PRKN: variants seen among roughly 807,000 people sequenced by gnomAD.
The protein encoded by PRKN is E3 ubiquitin-protein ligase parkin.
Under a neutral mutation model 59.5 loss-of-function variants are expected in PRKN, and 56 were observed. The observed-to-expected ratio is 0.94, with a 90% CI of 0.76 to 1.18. PRKN has a LOEUF of 1.18. Ranked by LOEUF, PRKN falls within the 50% of genes most tolerant of loss-of-function variation. The pLI is 0.00. For synonymous variants in PRKN, 250 were observed against 222.1 expected (o/e 1.13, Z -1.12); for missense variants, 657 against 596.4 (o/e 1.10, Z -1.06).
At chr6:161,750,929 TAG>T (rs1269711927) in intron 7 of PRKN, among the ~76,000 whole-genome samples, 9 of 152,132 alleles carry the variant, frequency 5.9e-5, no homozygotes, top group Non-Finnish European at 1.3e-4. Flanking sequence ...TATATTTCAC[TAG>T]TCAGAGAAAT....
At chr6:162,194,024 A>T (rs1362615583) in intron 4 of PRKN, among the ~76,000 whole-genome samples, 1 of 152,254 alleles carries the variant, frequency 6.6e-6, no homozygotes, top group Non-Finnish European at 1.5e-5. Context: ...AAAGAAAATG[A>T]TTTGGAAAAT....
chr6:162,073,750 C>T lies in PRKN; in HGVS notation c.535-19576G>A, dbSNP rs1263465265. Among the ~76,000 whole-genome samples the T allele has an allele frequency of 3.3e-5, 5 of 152,236 alleles. No homozygotes were observed. In the East Asian group the frequency reaches 9.6e-4, roughly 29 times the overall value. The stretch of plus-strand genomic sequence containing the variant: ...TACAGGCTTGATGCCCTGCCCTCAG[C>T]CCTCTACAGCTTTTAAAACATAATT... On this transcript the variant is annotated intron_variant, in intron 4 of 11. Transcript: ENST00000366898.
At chr6:162,668,826 C>T (rs930138596) in intron 1 of PRKN, among the ~76,000 whole-genome samples, 2 of 152,116 alleles carry the variant, frequency 1.3e-5, no homozygotes, top group African/African-American at 4.8e-5. Flanking sequence ...GACCTTTCAG[C>T]TGTACTTCTT....
At chr6:162,634,155 T>C (rs1310753716) in intron 1 of PRKN, among the ~76,000 whole-genome samples, 1 of 152,112 alleles carries the variant, frequency 6.6e-6, no homozygotes, top group Non-Finnish European at 1.5e-5. Context: ...GCTTTGGCTG[T>C]TCTCCAGGGT....
At chr6:162,191,248 G>A in intron 4 of PRKN, among the ~76,000 whole-genome samples, 1 of 152,102 alleles carries the variant, frequency 6.6e-6, no homozygotes, top group East Asian at 1.9e-4. Context: ...GAGATGGAAT[G>A]GGCCCAGACT....
At chr6:162,431,368 T>C (rs1789521193) in intron 2 of PRKN, among the ~76,000 whole-genome samples, 2 of 152,132 alleles carry the variant, frequency 1.3e-5, no homozygotes, top group Non-Finnish European at 2.9e-5. Flanking sequence ...TTGTCAGTCC[T>C]TTACATTTAG....
intron 1 of PRKN, among the ~76,000 whole-genome samples, chr6:162,696,734 T>C (rs566265738): frequency 6.6e-6 from 1 of 151,802 alleles, no homozygotes; most frequent in East Asian, 1.9e-4. Flanking sequence ...TTTGTAGAGA[T>C]GGGGTCTTGC....
At position 162,163,271 on chromosome 6, in the gene PRKN, C is replaced by T. The variant is rs1299888742; in HGVS notation, c.534+37860G>A. Among the ~76,000 whole-genome samples, 10 of 149,170 alleles carry T rather than the reference C, an allele frequency of 6.7e-5. 2 individuals carry two copies. Among genetic ancestry groups the T allele is most frequent in the Middle Eastern group, 3.4e-3 (1 of 292 alleles). On this transcript the variant is annotated intron_variant, in intron 4 of 11. Coordinates refer to ENST00000366898, the MANE Select transcript of PRKN (RefSeq NM_004562.3). ...ATCACAGGACATCTCACTTATTAAA[C>T]GGCATCTATGGAATTATGCCAAACA...
At chr6:161,874,820 A>AAG in intron 6 of PRKN, among the ~76,000 whole-genome samples, 1 of 105,568 alleles carries the variant, frequency 9.5e-6, no homozygotes, top group African/African-American at 4.7e-5. Context: ...TAAAATGTAT[A>AAG]ATATATAAAA....
At chr6:162,555,046 G>A (rs1024038273) in intron 1 of PRKN, among the ~76,000 whole-genome samples, 2 of 152,066 alleles carry the variant, frequency 1.3e-5, no homozygotes, top group East Asian at 1.9e-4. Flanking sequence ...TCAGCCACAT[G>A]CAACAAAAAA....
chr6:161,910,789 C>G (rs923866074), intron 6 of PRKN, among the ~76,000 whole-genome samples: 19 of 152,306 alleles, frequency 1.2e-4, no homozygotes, highest in Middle Eastern at 3.4e-3. Flanking sequence ...ATTTGGCAGT[C>G]AACACCCTGC....
chr6:161,844,984 C>G (rs958405315), intron 6 of PRKN, among the ~76,000 whole-genome samples: 1 of 152,228 alleles, frequency 6.6e-6, no homozygotes, highest in African/African-American at 2.4e-5. Flanking sequence ...GTCCTTTACA[C>G]AGGTACAAAC....
At chr6:162,243,890 G>T (rs779074110) in intron 3 of PRKN, among the ~76,000 whole-genome samples, 1 of 151,976 alleles carries the variant, frequency 6.6e-6, no homozygotes, top group Non-Finnish European at 1.5e-5. Flanking sequence ...TGTAATTCAC[G>T]AATATATGGT....
intron 7 of PRKN, among the ~76,000 whole-genome samples, chr6:161,762,253 A>C (rs781725781): frequency 7.2e-5 from 11 of 152,222 alleles, no homozygotes; most frequent in Non-Finnish European, 1.5e-4. Context: ...TAAGACAGTG[A>C]GCGAATGGAC....
In PRKN at chr6:161,488,477, T is replaced by G. The variant is rs1307761472; in HGVS notation, c.1083+60377A>C. ...GATAACAGAGACCGAGAAGGACATC[T>G]GAATTTATTATATTTTAATTAATTT... On this transcript the variant is annotated intron_variant, in intron 9 of 11. Coordinates refer to ENST00000366898, the MANE Select transcript of PRKN (RefSeq NM_004562.3). This position sits in a 1 kb window ranked among gnomAD's most constrained non-coding sequence, Gnocchi z 4.5. 6.6e-6 allele frequency among the ~76,000 whole-genome samples: 1 copy of G among 152,206 alleles called. No homozygotes were observed. The highest frequency in any genetic ancestry group is 1.5e-5 in the Non-Finnish European group (1 of 68,034).
At chr6:161,897,984 AGT>A (rs1777721106) in intron 6 of PRKN, among the ~76,000 whole-genome samples, 2 of 117,608 alleles carry the variant, frequency 1.7e-5, no homozygotes, top group African/African-American at 4.2e-5. Context: ...AAAAAAAAAA[AGT>A]CTCCCAGTTG....
intron 4 of PRKN, among the ~76,000 whole-genome samples, chr6:162,176,654 T>C (rs1442564697): frequency 6.6e-6 from 1 of 152,154 alleles, no homozygotes; most frequent in Non-Finnish European, 1.5e-5. Flanking sequence ...GAGACCTTGA[T>C]AATCGACAGG....
Position 161,547,785 on chromosome 6 carries a change from T to G in PRKN, c.1083+1069A>C, listed in dbSNP as rs959206472. On this transcript the variant is annotated intron_variant, in intron 9 of 11. Transcript: ENST00000366898. This position sits in a 1 kb window ranked among gnomAD's most constrained non-coding sequence, Gnocchi z 4.0. ...CATCGTCTCCAGGGAGAGTAAACAC[T>G]TGAGTTTTCATTCTAATGCAATCAC... Among the ~76,000 whole-genome samples, 3 of 152,226 alleles carry G rather than the reference T, an allele frequency of 2.0e-5. No individual in the cohort carries two copies. Among genetic ancestry groups the G allele is most frequent in the Non-Finnish European group, 4.4e-5 (3 of 68,040 alleles).
intron 7 of PRKN, among the ~76,000 whole-genome samples, chr6:161,762,544 A>G (rs904244732): frequency 1.3e-5 from 2 of 152,194 alleles, no homozygotes; most frequent in East Asian, 1.9e-4. Context: ...CTGAACTAAT[A>G]TTGTATCCAC....
Sources: gnomAD v4.1 joint callset for allele counts (sites outside exome capture counted in the v4.1 genomes callset) on GRCh38, gnomAD v4.1.1 for gene constraint, Gnocchi (gnomAD v3.1) non-coding constraint, MANE v1.5 for transcripts, NCBI Gene and HGNC (gene_info 2026-07-23, HGNC 2026-07-21) for gene names.